CTNNA3: variants seen among roughly 807,000 people sequenced by gnomAD.
CTNNA3 encodes catenin alpha 3, also known as catenin alpha-3.
In CTNNA3, 76 loss-of-function variants were observed where a neutral mutation model predicts 95.7. The observed-to-expected ratio is 0.79, with a 90% CI of 0.66 to 0.96. CTNNA3 has a LOEUF of 0.96. CTNNA3 is among the 40% of genes least tolerant of loss of function. The pLI is 0.00. For synonymous variants in CTNNA3, 431 were observed against 374.4 expected, an observed-to-expected ratio of 1.15 and a Z score of -1.74; for missense variants, 1,191 against 1,089.8, an observed-to-expected ratio of 1.09 and a Z score of -1.31.
intron 15 of CTNNA3, among the ~76,000 whole-genome samples, chr10:66,005,606 C>T (rs2078862657): frequency 6.6e-6 from 1 of 152,082 alleles, no homozygotes; most frequent in Non-Finnish European, 1.5e-5. Context: ...TCTGGTGCTA[C>T]TCTCCTTCCC....
At chr10:67,744,391 G>A (rs911872589) in intron 1 of CTNNA3, among the ~76,000 whole-genome samples, 3 of 151,170 alleles carry the variant, frequency 2.0e-5, no homozygotes, top group Non-Finnish European at 3.0e-5. Flanking sequence ...TGAGAAAAAT[G>A]AGAAATGGGG....
intron 7 of CTNNA3, among the ~76,000 whole-genome samples, chr10:66,998,629 T>C (rs2140369): frequency 0.53 from 80,036 of 151,926 alleles, 21,851 homozygotes; most frequent in Middle Eastern, 0.73. Flanking sequence ...GAAGTTTCTA[T>C]GGAACAATAA....
chr10:66,195,916 C>T (rs775480680), intron 13 of CTNNA3, among the ~76,000 whole-genome samples: 23 of 152,088 alleles, frequency 1.5e-4, no homozygotes, highest in Admixed American at 3.9e-4. Flanking sequence ...TAAAGAACTG[C>T]CATTTGTGTG....
At chr10:66,404,665 C>T (rs2093043902) in intron 11 of CTNNA3, among the ~76,000 whole-genome samples, 1 of 152,164 alleles carries the variant, frequency 6.6e-6, no homozygotes, top group South Asian at 2.1e-4. Context: ...TTAAATAAGA[C>T]ACTTTAGGTC....
chr10:66,409,548 T>C (rs2093085658), intron 11 of CTNNA3, among the ~76,000 whole-genome samples: 1 of 152,164 alleles, frequency 6.6e-6, no homozygotes, highest in Non-Finnish European at 1.5e-5. Flanking sequence ...ATGATGAATA[T>C]GACATCTATT....
intron 14 of CTNNA3, among the ~76,000 whole-genome samples, chr10:66,071,832 T>A (rs747830027): frequency 1.3e-5 from 2 of 152,070 alleles, no homozygotes; most frequent in Non-Finnish European, 2.9e-5. Context: ...ATTCAGTTCT[T>A]TACTCTCTGC....
chr10:66,207,060 T>C (rs890821792), intron 13 of CTNNA3, among the ~76,000 whole-genome samples: 20 of 151,838 alleles, frequency 1.3e-4, no homozygotes, highest in Non-Finnish European at 5.9e-5. Flanking sequence ...TATGATTCAG[T>C]GAGTGCAAAT....
chr10:66,367,871 AATAATAATAATTATTATT>A (rs1448430365), intron 12 of CTNNA3, among the ~76,000 whole-genome samples: 1,973 of 58,436 alleles, frequency 0.034, 18 homozygotes, highest in East Asian at 0.052. Flanking sequence ...TAATAATAAT[AATAATAATAATTATTATT>A]ATTATTATTA....
intron 13 of CTNNA3, among the ~76,000 whole-genome samples, chr10:66,160,936 CCTCTTTGT>C (rs1408531859): frequency 7.2e-5 from 11 of 151,876 alleles, no homozygotes; most frequent in African/African-American, 2.7e-4. Flanking sequence ...ATATAATGTC[CCTCTTTGT>C]CTCTTTTAAC....
chr10:66,506,685 C>A (rs1840461256), intron 11 of CTNNA3, among the ~76,000 whole-genome samples: 6 of 151,978 alleles, frequency 3.9e-5, no homozygotes, highest in Admixed American at 3.9e-4. Flanking sequence ...TCTTTCATTC[C>A]CCAGCATACT....
At chr10:66,523,320 T>A (rs1841134814) in intron 10 of CTNNA3, among the ~76,000 whole-genome samples, 1 of 152,204 alleles carries the variant, frequency 6.6e-6, no homozygotes, top group Non-Finnish European at 1.5e-5. Context: ...TAAGACAGGC[T>A]ACATTTTATA....
At chr10:67,037,630 A>T (rs1564846825) in intron 7 of CTNNA3, among the ~76,000 whole-genome samples, 1 of 152,120 alleles carries the variant, frequency 6.6e-6, no homozygotes. Flanking sequence ...GAAAACCTGA[A>T]CTAAGACACT....
chr10:67,468,703 G>T (rs1371072058), intron 5 of CTNNA3, among the ~76,000 whole-genome samples: 1 of 152,088 alleles, frequency 6.6e-6, no homozygotes, highest in Non-Finnish European at 1.5e-5. Context: ...CCTTTTACTG[G>T]TTAGAGGCAG....
intron 9 of CTNNA3, among the ~76,000 whole-genome samples, chr10:66,730,650 A>G (rs1419147888): frequency 6.6e-6 from 1 of 152,156 alleles, no homozygotes; most frequent in Non-Finnish European, 1.5e-5. Flanking sequence ...CATTCCCCTG[A>G]TCTCTTCCTA....
At chr10:66,274,670 A>C (rs2091353734) in intron 13 of CTNNA3, among the ~76,000 whole-genome samples, 1 of 152,128 alleles carries the variant, frequency 6.6e-6, no homozygotes, top group Non-Finnish European at 1.5e-5. Context: ...TTTTTAATGA[A>C]CTTTATTAAT....
Position 66,018,187 on chromosome 10 carries a change from TACACACACAC to T in CTNNA3, c.2160-29400_2160-29391del, listed in dbSNP as rs59373779. Among the ~76,000 whole-genome samples the T allele has an allele frequency of 3.5e-5, 5 of 142,082 alleles. No individual in the cohort carries two copies. The Admixed American group carries it at 3.5e-4, about 10-fold the overall frequency. The allele number at this position is 142,082 out of a possible 152,430, so 93.2% of individuals were successfully genotyped here. A position where few individuals can be genotyped will look rare whatever the true frequency, so the allele number is the denominator to read the frequency against. ...GTTCTATATGAGGATACAGCTCAAA[TACACACACAC>T]ACACACACACACACACACACACTAT... On this transcript the variant is annotated intron_variant, in intron 15 of 17. Coordinates refer to ENST00000433211, the MANE Select transcript of CTNNA3 (RefSeq NM_013266.4).
At chr10:67,351,560 T>G (rs1842640399) in intron 5 of CTNNA3, among the ~76,000 whole-genome samples, 1 of 152,180 alleles carries the variant, frequency 6.6e-6, no homozygotes, top group East Asian at 1.9e-4. Flanking sequence ...AACATGCCTA[T>G]TAAAAGCATA....
intron 11 of CTNNA3, among the ~76,000 whole-genome samples, chr10:66,461,705 C>A (rs1180448674): frequency 7.0e-6 from 1 of 141,876 alleles, no homozygotes; most frequent in Non-Finnish European, 1.5e-5. Context: ...ATATATATAT[C>A]AAGTGGAATA....
intron 7 of CTNNA3, among the ~76,000 whole-genome samples, chr10:66,870,822 C>T (rs1333656550): frequency 1.3e-5 from 2 of 151,914 alleles, no homozygotes; most frequent in Admixed American, 6.6e-5. Context: ...TTTGTAGGGC[C>T]CTTTGACCAT....
Sources: gnomAD v4.1 joint callset for allele counts (sites outside exome capture counted in the v4.1 genomes callset) on GRCh38, gnomAD v4.1.1 for gene constraint, MANE v1.5 for transcripts, NCBI Gene and HGNC (gene_info 2026-07-23, HGNC 2026-07-21) for gene names.